The following UCKL1 variants were observed in gnomAD, a reference collection of about 807,000 sequenced individuals.
The protein encoded by UCKL1 is uridine-cytidine kinase-like 1.
Under a neutral mutation model 59.2 loss-of-function variants are expected in UCKL1, and 65 were observed. The observed-to-expected ratio is 1.10, with a 90% confidence interval of 0.90 to 1.35. UCKL1 has a LOEUF of 1.35. Ranked by LOEUF, UCKL1 falls within the 40% of genes most tolerant of loss-of-function variation. The pLI is 0.00. For missense variants in UCKL1, 703 were observed against 784.3 expected (o/e 0.90, Z 1.24); for synonymous variants, 410 against 323.1 (o/e 1.27, Z -2.88).
Position 63,945,978 on chromosome 20 carries a change from G to C in UCKL1, c.412-3C>G, listed in dbSNP as rs200235783. 5 of 1,613,684 alleles carry C rather than the reference G, an allele frequency of 3.1e-6. No homozygotes were observed. The highest frequency in any genetic ancestry group is 4.2e-6 in the Non-Finnish European group (5 of 1,179,962). On this transcript the variant is annotated splice_region_variant and splice_polypyrimidine_tract_variant and intron_variant, in intron 3 of 14. Coordinates refer to ENST00000354216, the MANE Select transcript of UCKL1 (RefSeq NM_017859.4). ...TCCTGCTGCTGCTCAGTCAGCACCT[G>C]GTGGGGGAGGCTGTGGAGCAGCTGT...
intron 8 of UCKL1, chr20:63,942,582 T>C: frequency 1.2e-6 from 1 of 862,628 alleles, no homozygotes; most frequent in Non-Finnish European, 1.6e-6. Context: ...GAAGGCTGCT[T>C]AGTTGGGGAG....
At chr20:63,948,834 T>C (rs900843855) in intron 1 of UCKL1, among the ~76,000 whole-genome samples, 16 of 151,876 alleles carry the variant, frequency 1.1e-4, no homozygotes, top group African/African-American at 3.6e-4. Context: ...TGCCACTTTG[T>C]TGCCATAAAC....
chr20:63,946,922 T>C (rs993943645), intron 1 of UCKL1, among the ~76,000 whole-genome samples: 2 of 146,140 alleles, frequency 1.4e-5, no homozygotes, highest in African/African-American at 2.5e-5. Flanking sequence ...TACTAAAAAT[T>C]AAAAAAAAAA....
chr20:63,950,763 C>A (rs760083748), intron 1 of UCKL1: 1 of 1,537,094 alleles, frequency 6.5e-7, no homozygotes, highest in Non-Finnish European at 8.8e-7. Context: ...ACTCACCTGC[C>A]TTCTGCTCCA....
intron 8 of UCKL1, chr20:63,942,789 C>T: frequency 2.2e-6 from 1 of 455,356 alleles, no homozygotes; most frequent in Admixed American, 2.4e-5. Context: ...AGTTTGAAAC[C>T]CTGGAAAGTT....
At chr20:63,951,348 G>A (rs1258038025) in intron 1 of UCKL1, among the ~76,000 whole-genome samples, 2 of 152,124 alleles carry the variant, frequency 1.3e-5, no homozygotes, top group African/African-American at 2.4e-5. Context: ...ACCACTGTGC[G>A]CCGTGTGCCT....
chr20:63,941,017 A>G lies in UCKL1; in HGVS notation c.1049T>C (p.Phe350Ser). 1 of 1,555,774 alleles carries G rather than the reference A, an allele frequency of 6.4e-7. No individual in the cohort carries two copies. The highest frequency in any genetic ancestry group is 8.7e-7 in the Non-Finnish European group (1 of 1,150,652). The change falls in exon 10 of 15, where the codon TTC (phenylalanine) becomes TCC (serine). Residue 350 changes from phenylalanine to serine, a missense_variant. Phe to Ser is a radical substitution (Grantham distance 155). Around this residue, in one of 4 missense-constraint regions of UCKL1, gnomAD observed 156 missense variants for 185.6 expected, o/e 0.84. Transcript: ENST00000354216. ...IRDKETSRDE[F>S]IFYSKRLMRL... ...CATCAGTCTCTTGGAGTAGAAGATG[A>G]ACTCGTCGCGACTGGTCTCCTTGTC...
chr20:63,945,773 C>G, intron 4 of UCKL1, 32 bp downstream of exon 4: 1 of 1,612,930 alleles, frequency 6.2e-7, no homozygotes, highest in Admixed American at 1.7e-5. Flanking sequence ...CCTGCAGCCC[C>G]CCGAGGCCCC....
intron 1 of UCKL1, 91 bp downstream of exon 1, chr20:63,956,169 C>G: frequency 8.1e-7 from 1 of 1,232,668 alleles, no homozygotes. Context: ...GGGACTTGGG[C>G]TCGCGGCGGG....
At chr20:63,956,230 C>T in intron 1 of UCKL1, 30 bp downstream of exon 1, 1 of 1,497,996 alleles carries the variant, frequency 6.7e-7, no homozygotes, top group Non-Finnish European at 8.9e-7. Flanking sequence ...TCCCGCTCGC[C>T]AGTGGAGTGG....
intron 7 of UCKL1, 152 bp from the exon 8 acceptor site, chr20:63,943,821 C>T (rs944630183): frequency 2.7e-6 from 3 of 1,098,040 alleles, no homozygotes; most frequent in East Asian, 2.5e-5. Context: ...ATGCCTGTAA[C>T]CTGGGGACCA....
rs762709899 is a variant in UCKL1 at position 63,956,294 on chromosome 20, G to A, written c.79C>T (p.Gln27Ter). The change falls in exon 1 of 15, where the codon CAG (glutamine) becomes TAG (stop). Residue 27 changes from glutamine to a stop codon, truncating the protein, a stop_gained. Transcript: ENST00000354216. LOFTEE classifies it high-confidence loss of function. Reference protein sequence around the residue: ...PPTARDTPGRQAEKSETACED... With the variant: ...PPTARDTPGR ...CACGCGGTCTCGCTTTTCTCAGCCT[G>A]CCGGCCTGGTGTGTCTCGGGCCGTA... The A allele has an allele frequency of 3.2e-6, 5 of 1,561,890 alleles. No individual in the cohort carries two copies. The highest frequency in any genetic ancestry group is 1.7e-4 in the Middle Eastern group (1 of 5,826).
intron 1 of UCKL1, among the ~76,000 whole-genome samples, chr20:63,951,750 G>T (rs533200292): frequency 1.1e-4 from 16 of 151,836 alleles, no homozygotes; most frequent in African/African-American, 3.9e-4. Flanking sequence ...GGGCACAGGG[G>T]ACACAGCCAC....
chr20:63,946,100 A>G (rs1018121164), intron 3 of UCKL1, 61 bp downstream of exon 3: 23 of 1,606,742 alleles, frequency 1.4e-5, no homozygotes, highest in Non-Finnish European at 1.9e-5. Context: ...CTACTTTTGC[A>G]GGGGGTCCAG....
At chr20:63,948,403 C>T (rs1225922918) in intron 1 of UCKL1, 1 of 151,650 alleles carries the variant, frequency 6.6e-6, no homozygotes, top group South Asian at 2.1e-4. Context: ...CCAGTTACGC[C>T]CGAAAACGAC....
intron 1 of UCKL1, among the ~76,000 whole-genome samples, chr20:63,947,482 G>T (rs1024509864): frequency 2.6e-5 from 4 of 152,244 alleles, no homozygotes; most frequent in African/African-American, 7.2e-5. Flanking sequence ...CACCGAGGGT[G>T]AGGTCCCCAG....
Position 63,946,572 on chromosome 20 carries a change from G to C in UCKL1, c.185C>G (p.Thr62Ser). 6.2e-7 allele frequency: 1 copy of C among 1,611,840 alleles called. No homozygotes were observed. The highest frequency in any genetic ancestry group is 8.5e-7 in the Non-Finnish European group (1 of 1,179,750). The change falls in exon 2 of 15, where the codon ACC becomes AGC. Residue 62 changes from threonine (T) to serine (S), a missense_variant. By Grantham distance (58) the Thr-to-Ser change is moderately conservative. Transcript: ENST00000354216. The stretch of plus-strand genomic sequence containing the variant: ...GGGAGGCTCTGACTTGCACTGGCTG[G>C]TGGTCCGCTTCCGGGGAGAGCGCCC... The part of the protein sequence containing the change: ...GTGRSPRKRT[T>S]SQCKSEPPLL...
intron 2 of UCKL1, 84 bp downstream of exon 2, chr20:63,946,369 G>A: frequency 2.6e-6 from 4 of 1,526,766 alleles, no homozygotes; most frequent in Non-Finnish European, 3.5e-6. Flanking sequence ...CGGTTGCCCG[G>A]CTTCCTTCTC....
intron 8 of UCKL1, among the ~76,000 whole-genome samples, chr20:63,943,298 G>A (rs1406596582): frequency 1.3e-5 from 2 of 152,184 alleles, no homozygotes; most frequent in Non-Finnish European, 2.9e-5. Flanking sequence ...CTGGCTGCTG[G>A]GACATGTCTG....
Sources: gnomAD v4.1 joint callset for allele counts (sites outside exome capture counted in the v4.1 genomes callset) on GRCh38, gnomAD v4.1.1 for gene constraint, gnomAD v4.1.1 regional missense constraint, MANE v1.5 for transcripts, NCBI Gene and HGNC (gene_info 2026-07-23, HGNC 2026-07-21) for gene names.